Variants in GMEB2 observed in about 807,000 individuals in gnomAD.
The protein encoded by GMEB2 is glucocorticoid modulatory element-binding protein 2.
A neutral mutation model predicts 45.7 loss-of-function variants in GMEB2; 7 were observed. That is an observed-to-expected ratio of 0.15 (90% CI 0.09 to 0.29). GMEB2 has a LOEUF of 0.29. GMEB2 is among the 10% of genes least tolerant of loss of function. The pLI is 1.00. For synonymous variants in GMEB2, 322 were observed against 323.6 expected (o/e 1.00, Z 0.05); for missense variants, 582 against 739.2 (o/e 0.79, Z 2.47).
At chr20:63,624,183 G>A (rs532674370) in intron 1 of GMEB2, among the ~76,000 whole-genome samples, 53 of 151,778 alleles carry the variant, frequency 3.5e-4, no homozygotes, top group African/African-American at 9.7e-4. Context: ...TTGGAAGGCC[G>A]AGGCGGGTGG....
At chr20:63,626,627 G>GGTGGTCCCTGCGGGTCGCACCCCTGCGGC (rs1279467521) in intron 1 of GMEB2, among the ~76,000 whole-genome samples, 7 of 151,546 alleles carry the variant, frequency 4.6e-5, no homozygotes, top group Non-Finnish European at 8.8e-5. Flanking sequence ...GTGCCTGCGG[G>GGTGGTCCCTGCGGGTCGCACCCCTGCGGC]GTGGTCCCTG....
rs765546389 is a variant in GMEB2, at chr20:63,592,121, C to T, written c.853G>A (p.Val285Met). 4 of 1,613,458 alleles carry T rather than the reference C, an allele frequency of 2.5e-6. No homozygotes were observed. Among genetic ancestry groups the T allele is most frequent in the South Asian group, 2.2e-5 (2 of 91,080 alleles). The change falls in exon 9 of 10, where the codon GTG (valine) becomes ATG (methionine). Residue 285 changes from valine to methionine, a missense_variant. Transcript: ENST00000370077. This position sits in a 1 kb window ranked among gnomAD's most constrained non-coding sequence, Gnocchi z 8.2. The stretch of plus-strand genomic sequence containing the variant: ...AGGTCCAGCATGCCGAAGTTCTGCA[C>T]GATGTTGTTGAGAAGTACAGCATCT... Reference protein sequence around the residue: ...LRDAVLLNNIVQNFGMLDLVK... With the variant: ...LRDAVLLNNIMQNFGMLDLVK...
chr20:63,616,647 C>T (rs998587993), intron 2 of GMEB2, among the ~76,000 whole-genome samples: 2 of 152,172 alleles, frequency 1.3e-5, no homozygotes, highest in East Asian at 1.9e-4. Context: ...ACCCCAAATC[C>T]GTAAATCTAG....
rs568458658 is a variant in GMEB2 at position 63,598,134 on chromosome 20, TAGA to T, written c.358-277_358-275del. 1.7e-3 allele frequency among the ~76,000 whole-genome samples: 266 copies of T among 152,298 alleles called. 2 individuals carry two copies. Among genetic ancestry groups the T allele is most frequent in the African/African-American group, 6.1e-3 (254 of 41,554 alleles). ...ACAGGGCTGGGCTGACCACACCAGG[TAGA>T]AGGTGTGTGGCCTTCTCTTCCTCCA... On this transcript the variant is annotated intron_variant, in intron 4 of 9. Coordinates refer to ENST00000370077, the MANE Select transcript of GMEB2 (RefSeq NM_012384.5).
chr20:63,614,363 G>A (rs1000441719), intron 2 of GMEB2, among the ~76,000 whole-genome samples: 5 of 152,176 alleles, frequency 3.3e-5, no homozygotes, highest in East Asian at 1.9e-4. Context: ...ACAAGAGTGC[G>A]AGCCTTCTGT....
intron 1 of GMEB2, among the ~76,000 whole-genome samples, chr20:63,625,736 T>TACAAGTGC (rs2089666641): frequency 6.6e-6 from 1 of 152,050 alleles, no homozygotes; most frequent in Non-Finnish European, 1.5e-5. Context: ...TAGCTGGGAT[T>TACAAGTGC]ACAAGTGCAC....
intron 1 of GMEB2, among the ~76,000 whole-genome samples, chr20:63,625,755 G>A (rs577247098): frequency 1.3e-5 from 2 of 151,884 alleles, no homozygotes; most frequent in African/African-American, 2.4e-5. Flanking sequence ...ACACCACCAC[G>A]CCCGGCTAAC....
At chr20:63,594,392 C>G (rs1267681823) in intron 6 of GMEB2, among the ~76,000 whole-genome samples, 1 of 152,234 alleles carries the variant, frequency 6.6e-6, no homozygotes, top group African/African-American at 2.4e-5. Context: ...GGAGGACAGA[C>G]AGGAGGCTGG....
chr20:63,598,061 G>A (rs1410908483), intron 4 of GMEB2, among the ~76,000 whole-genome samples: 1 of 152,190 alleles, frequency 6.6e-6, no homozygotes, highest in Non-Finnish European at 1.5e-5. Context: ...GGGGAGTGGT[G>A]TCTCCTCCAG....
intron 1 of GMEB2, among the ~76,000 whole-genome samples, chr20:63,622,239 A>T (rs973372671): frequency 2.6e-5 from 4 of 152,234 alleles, no homozygotes; most frequent in African/African-American, 9.6e-5. Context: ...GGACTGTAAC[A>T]AACAAGTGTG....
chr20:63,619,305 C>T lies in GMEB2; in HGVS notation c.93G>A (p.Val31=). The change falls in exon 2 of 10, where the codon GTG becomes GTA. Residue 31 remains valine, a synonymous_variant. Coordinates refer to ENST00000370077, the MANE Select transcript of GMEB2 (RefSeq NM_012384.5). This position sits in a 1 kb window ranked among gnomAD's most constrained non-coding sequence, Gnocchi z 4.6. ...AGTTGGTCGTCACCAACACGGTCTT[C>T]ACCCCCTCCACACCACTGCCGTCCA... ...TAVDGSGVEG[V]KTVLVTTNLA... The T allele has an allele frequency of 6.2e-7, 1 of 1,612,824 alleles. No individual in the cohort carries two copies. Among genetic ancestry groups the T allele is most frequent in the Non-Finnish European group, 8.5e-7 (1 of 1,179,872 alleles).
chr20:63,626,233 C>A (rs6090477), intron 1 of GMEB2, among the ~76,000 whole-genome samples: 59 of 124,750 alleles, frequency 4.7e-4, no homozygotes, highest in Middle Eastern at 4.1e-3. Context: ...TGGGGTGATC[C>A]CTGCGGGTCG....
In GMEB2 at chr20:63,588,851, C is replaced by G; in HGVS notation, c.*1238G>C. On this transcript the variant is annotated 3_prime_UTR_variant, in exon 10 of 10. Coordinates refer to ENST00000370077, the MANE Select transcript of GMEB2 (RefSeq NM_012384.5). ...TCCCTGAGATGCCTGCCCCAGGACC[C>G]TGGCCTGGAGGGGCCTCAGCCTGGT... is the stretch of plus-strand genomic sequence containing the variant. 1 of 398,582 alleles carries G rather than the reference C, an allele frequency of 2.5e-6. No homozygotes were observed. The highest frequency in any genetic ancestry group is 4.4e-6 in the Non-Finnish European group (1 of 226,070). The allele number at this position is 398,582 out of a possible 1,614,324, so 24.7% of individuals were successfully genotyped here.
At chr20:63,602,871 T>C (rs766140180) in intron 4 of GMEB2, 94 bp downstream of exon 4, 33 of 1,148,808 alleles carry the variant, frequency 2.9e-5, no homozygotes, top group Non-Finnish European at 4.2e-5. Flanking sequence ...CTGGAGACCC[T>C]GCCTCAGGAT....
chr20:63,624,594 C>T (rs2146098434), intron 1 of GMEB2, among the ~76,000 whole-genome samples: 1 of 152,332 alleles, frequency 6.6e-6, no homozygotes, highest in East Asian at 1.9e-4. Context: ...TGCAAAGAGG[C>T]AACAGCCTCA....
chr20:63,600,039 A>G (rs979950490), intron 4 of GMEB2, among the ~76,000 whole-genome samples: 1 of 151,004 alleles, frequency 6.6e-6, no homozygotes, highest in Admixed American at 6.6e-5. Context: ...CCTTTATTGC[A>G]AAAAAAAAAT....
rs900965078 is a variant in GMEB2 at position 63,598,261 on chromosome 20, G to A, written c.358-401C>T. On this transcript the variant is annotated intron_variant, in intron 4 of 9. Transcript: ENST00000370077. Reference sequence around the variant, plus strand: ...GGCAACAGATGCCAGCACATGGGTGGAGCTGTGAACGCCACCTTCCTCAGG... The same window carrying A: ...GGCAACAGATGCCAGCACATGGGTGAAGCTGTGAACGCCACCTTCCTCAGG... 2.0e-5 allele frequency among the ~76,000 whole-genome samples: 3 copies of A among 151,940 alleles called. No homozygotes were observed. In the East Asian group the frequency reaches 5.8e-4, roughly 29 times the overall value.
rs376633088 is a variant in GMEB2 at position 63,592,498 on chromosome 20, G to A, written c.829+35C>T. On this transcript the variant is annotated intron_variant, in intron 8 of 9. Coordinates refer to ENST00000370077, the MANE Select transcript of GMEB2 (RefSeq NM_012384.5). The surrounding 1 kb of genome is among the most constrained non-coding windows in gnomAD (Gnocchi z 8.2). ...CACCTCCTGCAGAGACTCCTGGGCT[G>A]AGTAGCCAGCAAGAGGGAAGATGCA... The A allele has an allele frequency of 6.4e-7, 1 of 1,573,676 alleles. No individual in the cohort carries two copies. Among genetic ancestry groups the A allele is most frequent in the Non-Finnish European group, 8.7e-7 (1 of 1,147,744 alleles).
chr20:63,609,351 AC>A lies in GMEB2; in HGVS notation c.132-4512del, dbSNP rs1195492446. On this transcript the variant is annotated intron_variant, in intron 2 of 9. Coordinates refer to ENST00000370077, the MANE Select transcript of GMEB2 (RefSeq NM_012384.5). The stretch of plus-strand genomic sequence containing the variant: ...TAGAAACATGCCACTCTGACCCCAC[AC>A]ATCCATTTCTAGAAACATGCCCCTC... 5.0e-4 allele frequency among the ~76,000 whole-genome samples: 54 copies of A among 107,900 alleles called. 1 individual carries two copies. Among genetic ancestry groups the A allele is most frequent in the African/African-American group, 1.7e-3 (45 of 26,860 alleles). 70.8% of individuals were successfully genotyped at this position (107,900 alleles called of 152,430 possible).
Sources: allele counts gnomAD v4.1 joint callset (sites outside exome capture counted in the v4.1 genomes callset), GRCh38; gene constraint gnomAD v4.1.1; non-coding constraint Gnocchi (gnomAD v3.1); transcripts MANE v1.5; gene names NCBI Gene and HGNC (gene_info 2026-07-23, HGNC 2026-07-21).